Variants in GPHN observed in about 807,000 individuals in gnomAD.
GPHN encodes gephyrin.
Under a neutral mutation model 95.5 loss-of-function variants are expected in GPHN, and 17 were observed. The ratio of observed to expected loss-of-function variants is 0.18; its 90% CI spans 0.12 to 0.27. The LOEUF (loss-of-function observed/expected upper bound fraction) is 0.27. Among genes scored for constraint, GPHN ranks in the 10% least tolerant of loss-of-function variants. The probability of loss-of-function intolerance (pLI) is 1.00; values close to 1 mark genes in which losing one functional copy is unlikely to be tolerated. For synonymous variants in GPHN, 320 were observed against 322.5 expected, an observed-to-expected ratio of 0.99 and a Z score of 0.08; for missense variants, 660 against 978.1, an observed-to-expected ratio of 0.67 and a Z score of 4.34.
intron 13 of GPHN, among the ~76,000 whole-genome samples, chr14:67,103,992 T>G (rs909047618): frequency 3.9e-5 from 6 of 152,222 alleles, no homozygotes; most frequent in African/African-American, 1.4e-4. Flanking sequence ...TTCAGTATGA[T>G]GTTGGCTGTG....
the GPHN span, among the ~76,000 whole-genome samples, chr14:67,609,831 A>G: frequency 0.036 from 5,473 of 152,242 alleles, 263 homozygotes; most frequent in African/African-American, 0.11. Context: ...CTGGCACTAA[A>G]GGGACTGGTA....
chr14:66,632,653 C>T (rs1222028481), intron 1 of GPHN, among the ~76,000 whole-genome samples: 2 of 151,874 alleles, frequency 1.3e-5, no homozygotes, highest in African/African-American at 4.8e-5. Flanking sequence ...CCACCACACC[C>T]TGCTAATTTT....
chr14:67,458,589 G>A, the GPHN span, among the ~76,000 whole-genome samples: 41 of 152,198 alleles, frequency 2.7e-4, no homozygotes, highest in African/African-American at 8.2e-4. Flanking sequence ...TTTGAAGGGC[G>A]GGAGAGGGGA....
At chr14:67,370,365 A>G in the GPHN span, among the ~76,000 whole-genome samples, 8 of 152,384 alleles carry the variant, frequency 5.2e-5, no homozygotes, top group South Asian at 1.7e-3. Flanking sequence ...TAATAAGGAT[A>G]AGATAATCGG....
At chr14:66,970,247 A>G (rs2069663014) in intron 9 of GPHN, among the ~76,000 whole-genome samples, 1 of 152,182 alleles carries the variant, frequency 6.6e-6, no homozygotes, top group Admixed American at 6.5e-5. Context: ...GTCTAATACT[A>G]TATTCAAACA....
chr14:67,690,268 C>T, the GPHN span: 4 of 1,613,968 alleles, frequency 2.5e-6, no homozygotes, highest in Non-Finnish European at 3.4e-6. Flanking sequence ...CTTGCTGTGA[C>T]AGTAGGCCAG....
chr14:66,670,636 A>G (rs1418576591), intron 1 of GPHN, among the ~76,000 whole-genome samples: 2 of 152,096 alleles, frequency 1.3e-5, no homozygotes, highest in Non-Finnish European at 2.9e-5. Context: ...CAAAAATACA[A>G]AAAAATTTAG....
intron 5 of GPHN, among the ~76,000 whole-genome samples, chr14:66,910,625 C>T (rs1240273477): frequency 1.3e-5 from 2 of 151,872 alleles, no homozygotes; most frequent in East Asian, 3.9e-4. Flanking sequence ...TAATTCAGTA[C>T]ACACACACAT....
At chr14:66,965,366 A>G (rs758110239) in intron 9 of GPHN, 41 bp downstream of exon 9, 2 of 1,585,436 alleles carry the variant, frequency 1.3e-6, no homozygotes, top group Admixed American at 3.3e-5. Flanking sequence ...GCTCTTCTAT[A>G]GTAATCTGGG....
chr14:66,962,904 G>C (rs141359917), intron 8 of GPHN, among the ~76,000 whole-genome samples: 2 of 151,764 alleles, frequency 1.3e-5, no homozygotes, highest in Admixed American at 6.6e-5. Context: ...AAGAGGTGCT[G>C]TTTGATAATT....
At chr14:66,762,137 T>TAA (rs3033908) in intron 2 of GPHN, among the ~76,000 whole-genome samples, 39,711 of 145,592 alleles carry the variant, frequency 0.27, 8,754 homozygotes, top group African/African-American at 0.58. Context: ...TTTGAAAGGT[T>TAA]AAAAAAAAAA....
In GPHN at chr14:66,922,606, C is replaced by T. The variant is rs889646027; in HGVS notation, c.457-60C>T. 9 of 1,327,950 alleles carry T rather than the reference C, an allele frequency of 6.8e-6. No homozygotes were observed. The African/African-American group carries it at 8.8e-5, about 13-fold the overall frequency. 82.3% of individuals were successfully genotyped at this position (1,327,950 alleles called of 1,614,324 possible). A position where few individuals can be genotyped will look rare whatever the true frequency, so the allele number is the denominator to read the frequency against. ...AATCACGAAACAGTTTGATTGCCAC[C>T]ATCTTATATAATTACAAAAGTGCTT... is the stretch of plus-strand genomic sequence containing the variant. On this transcript the variant is annotated intron_variant, in intron 6 of 22. Coordinates refer to ENST00000478722, the MANE Select transcript of GPHN (RefSeq NM_020806.5).
chr14:67,488,222 C>T, the GPHN span, among the ~76,000 whole-genome samples: 1 of 152,252 alleles, frequency 6.6e-6, no homozygotes, highest in African/African-American at 2.4e-5. Flanking sequence ...GTCCACCTTC[C>T]CCACTCCCCT....
chr14:66,801,200 G>A (rs796649306), intron 3 of GPHN, among the ~76,000 whole-genome samples: 13 of 152,180 alleles, frequency 8.5e-5, no homozygotes, highest in African/African-American at 3.1e-4. Flanking sequence ...GGACCCTGGT[G>A]CCTTATTTAG....
At chr14:67,370,101 C>T in the GPHN span, among the ~76,000 whole-genome samples, 2 of 152,266 alleles carry the variant, frequency 1.3e-5, no homozygotes, top group Non-Finnish European at 1.5e-5. Flanking sequence ...AGCAGGAACA[C>T]GTCCTTAAGA....
At chr14:67,562,441 G>A in the GPHN span, 1 of 1,613,932 alleles carries the variant, frequency 6.2e-7, no homozygotes, top group South Asian at 1.1e-5. Context: ...AGCCATGCAT[G>A]AAGCTTCTTA....
At chr14:67,432,115 A>C in the GPHN span, among the ~76,000 whole-genome samples, 1 of 152,226 alleles carries the variant, frequency 6.6e-6, no homozygotes, top group Non-Finnish European at 1.5e-5. Flanking sequence ...ACATCTGCCC[A>C]GTGCTTTCCA....
At chr14:66,562,006 A>C (rs1204039816) in intron 1 of GPHN, among the ~76,000 whole-genome samples, 1 of 152,068 alleles carries the variant, frequency 6.6e-6, no homozygotes, top group African/African-American at 2.4e-5. Flanking sequence ...CATTTGCCCT[A>C]TTCTCTTTCT....
the GPHN span, among the ~76,000 whole-genome samples, chr14:67,605,897 G>A: frequency 4.9e-3 from 746 of 151,974 alleles, 36 homozygotes; most frequent in East Asian, 0.083. Context: ...TGCCCAGGCC[G>A]GTCTCAAGCA....
Sources: allele counts gnomAD v4.1 joint callset (sites outside exome capture counted in the v4.1 genomes callset), GRCh38; gene constraint gnomAD v4.1.1; transcripts MANE v1.5; gene names NCBI Gene and HGNC (gene_info 2026-07-23, HGNC 2026-07-21).